Variants in ROBO2 observed in about 807,000 individuals in gnomAD.
The protein encoded by ROBO2 is roundabout homolog 2.
A neutral mutation model predicts 160.8 loss-of-function variants in ROBO2; 53 were observed. The observed-to-expected ratio is 0.33, with a 90% confidence interval of 0.26 to 0.41. ROBO2 has a LOEUF of 0.41. ROBO2 is among the 10% of genes least tolerant of loss of function. ROBO2 has a pLI of 1.00. For synonymous variants in ROBO2, 664 were observed against 611.7 expected, an observed-to-expected ratio of 1.09 and a Z score of -1.26; for missense variants, 1,577 against 1,722.4, an observed-to-expected ratio of 0.92 and a Z score of 1.49.
intron 2 of ROBO2, among the ~76,000 whole-genome samples, chr3:76,702,273 G>A (rs559984642): frequency 8.6e-5 from 13 of 152,032 alleles, no homozygotes; most frequent in Non-Finnish European, 1.9e-4. Context: ...GGATTTGGGG[G>A]TTGTGATGAA....
intron 2 of ROBO2, among the ~76,000 whole-genome samples, chr3:75,982,254 T>G (rs1353602359): frequency 1.3e-5 from 2 of 151,448 alleles, no homozygotes; most frequent in Non-Finnish European, 3.0e-5. Context: ...ATCTCTTTGA[T>G]TTACTCATTT....
At chr3:77,472,001 A>G (rs778773533) in intron 2 of ROBO2, among the ~76,000 whole-genome samples, 19 of 152,298 alleles carry the variant, frequency 1.2e-4, no homozygotes, top group Middle Eastern at 6.8e-3. Context: ...CTTTAGGTAG[A>G]CAGGGGATCT....
At chr3:75,997,103 A>ATC (rs1446133383) in intron 2 of ROBO2, among the ~76,000 whole-genome samples, 2 of 152,212 alleles carry the variant, frequency 1.3e-5, no homozygotes, top group Non-Finnish European at 2.9e-5. Context: ...CAAAGATTCA[A>ATC]TGTAGGAATC....
chr3:77,273,390 C>A (rs2059627791), intron 2 of ROBO2, among the ~76,000 whole-genome samples: 1 of 152,108 alleles, frequency 6.6e-6, no homozygotes, highest in African/African-American at 2.4e-5. Context: ...AAGCATGGAT[C>A]CTTGCTGAAG....
chr3:77,364,369 G>T (rs183887836), intron 2 of ROBO2, among the ~76,000 whole-genome samples: 1 of 152,176 alleles, frequency 6.6e-6, no homozygotes, highest in Admixed American at 6.6e-5. Context: ...GTTTGATGAG[G>T]CTTTGGATGG....
At chr3:76,604,153 T>A (rs1336205509) in intron 2 of ROBO2, among the ~76,000 whole-genome samples, 2 of 152,180 alleles carry the variant, frequency 1.3e-5, no homozygotes, top group African/African-American at 4.8e-5. Context: ...AAATAAATAG[T>A]TCATTGGTCT....
At chr3:76,728,653 A>G (rs147177694) in intron 2 of ROBO2, among the ~76,000 whole-genome samples, 44 of 152,344 alleles carry the variant, frequency 2.9e-4, no homozygotes, top group African/African-American at 9.1e-4. Flanking sequence ...TTGGAAAAAC[A>G]GTTAACTGGT....
At chr3:76,689,841 G>A (rs552166331) in intron 2 of ROBO2, among the ~76,000 whole-genome samples, 1 of 152,190 alleles carries the variant, frequency 6.6e-6, no homozygotes, top group South Asian at 2.1e-4. Context: ...AGTCAGTTCT[G>A]TCTACCAAAT....
chr3:76,510,683 A>G (rs1299282338), intron 2 of ROBO2, among the ~76,000 whole-genome samples: 1 of 152,126 alleles, frequency 6.6e-6, no homozygotes, highest in Non-Finnish European at 1.5e-5. Flanking sequence ...AGATCCTTCC[A>G]CTGCACTCCA....
chr3:76,480,909 A>C (rs2079173869), intron 2 of ROBO2, among the ~76,000 whole-genome samples: 1 of 152,196 alleles, frequency 6.6e-6, no homozygotes, highest in African/African-American at 2.4e-5. Flanking sequence ...GAGTCTTACA[A>C]CTTTTCAATT....
intron 5 of ROBO2, among the ~76,000 whole-genome samples, chr3:77,508,709 T>C (rs1381050672): frequency 6.6e-6 from 1 of 152,024 alleles, no homozygotes; most frequent in African/African-American, 2.4e-5. Flanking sequence ...AGTTCTTTGA[T>C]GTTAATATTT....
At chr3:76,387,485 A>T (rs544833440) in intron 2 of ROBO2, among the ~76,000 whole-genome samples, 1 of 152,272 alleles carries the variant, frequency 6.6e-6, no homozygotes, top group South Asian at 2.1e-4. Context: ...TTTACTGTTT[A>T]ATCTGCTTCT....
At chr3:77,240,007 C>A (rs1172485291) in intron 2 of ROBO2, among the ~76,000 whole-genome samples, 1 of 152,222 alleles carries the variant, frequency 6.6e-6, no homozygotes, top group Non-Finnish European at 1.5e-5. Flanking sequence ...CCCCACCTGA[C>A]TCAGGAGCCC....
At chr3:76,695,902 G>A (rs1022785945) in intron 2 of ROBO2, among the ~76,000 whole-genome samples, 5 of 152,128 alleles carry the variant, frequency 3.3e-5, no homozygotes, top group African/African-American at 1.2e-4. Context: ...AGGCAGTAGT[G>A]CACATTTGAT....
chr3:77,005,787 T>C (rs754777566), intron 2 of ROBO2, among the ~76,000 whole-genome samples: 12 of 152,156 alleles, frequency 7.9e-5, no homozygotes, highest in Non-Finnish European at 1.3e-4. Context: ...AGTCTCAAAG[T>C]TATAAAGAAG....
At chr3:77,285,247 G>T (rs13316490) in intron 2 of ROBO2, among the ~76,000 whole-genome samples, 46,473 of 151,912 alleles carry the variant, frequency 0.31, 8,543 homozygotes, top group Middle Eastern at 0.45. Context: ...CGACTTCATT[G>T]GCCAGAACAC....
At chr3:76,644,737 GT>G (rs2090883780) in intron 2 of ROBO2, among the ~76,000 whole-genome samples, 1 of 151,972 alleles carries the variant, frequency 6.6e-6, no homozygotes, top group Admixed American at 6.5e-5. Flanking sequence ...TGTTTTGGAA[GT>G]GAATTCCTGT....
chr3:77,632,716 C>T (rs2095191002), intron 23 of ROBO2: 3 of 1,381,210 alleles, frequency 2.2e-6, no homozygotes, highest in Admixed American at 4.7e-5. Context: ...GGACACTGTC[C>T]TCTTTTCTCC....
chr3:77,460,442 A>G (rs2082127091), intron 2 of ROBO2, among the ~76,000 whole-genome samples: 1 of 152,122 alleles, frequency 6.6e-6, no homozygotes, highest in African/African-American at 2.4e-5. Flanking sequence ...GGAGGCATGC[A>G]TTTTGGGATC....
Sources: gnomAD v4.1 joint callset for allele counts (sites outside exome capture counted in the v4.1 genomes callset) on GRCh38, gnomAD v4.1.1 for gene constraint, MANE v1.5 for transcripts, NCBI Gene and HGNC (gene_info 2026-07-23, HGNC 2026-07-21) for gene names.